Variants in SULF1 observed in about 807,000 individuals in gnomAD.
The protein encoded by SULF1 is extracellular sulfatase Sulf-1.
SULF1 carries 46 observed loss-of-function variants against 110.5 expected under a neutral mutation model. The ratio of observed to expected loss-of-function variants is 0.42; its 90% CI spans 0.33 to 0.53. The LOEUF (loss-of-function observed/expected upper bound fraction) is 0.53, where lower values mean the gene tolerates loss of function less well. Ranked by LOEUF, SULF1 falls within the 20% of genes least tolerant of loss-of-function variation. The pLI is 0.12. For synonymous variants in SULF1, 371 were observed against 387.1 expected, an observed-to-expected ratio of 0.96 and a Z score of 0.49; for missense variants, 941 against 1,094.2, an observed-to-expected ratio of 0.86 and a Z score of 1.98.
At chr8:69,532,870 T>C (rs1282437343) in intron 3 of SULF1, among the ~76,000 whole-genome samples, 2 of 152,222 alleles carry the variant, frequency 1.3e-5, no homozygotes, top group Non-Finnish European at 2.9e-5. Context: ...CCAATTTTAC[T>C]TTCTTTCCTA....
chr8:69,638,423 A>C, intron 19 of SULF1, 79 bp from the exon 20 acceptor site: 9 of 1,489,248 alleles, frequency 6.0e-6, no homozygotes, highest in Non-Finnish European at 6.4e-6. Flanking sequence ...TGTAAAGATA[A>C]GGGAACACTG....
In SULF1 at chr8:69,617,391, A is replaced by G. The variant is rs1269205656; in HGVS notation, c.1378-3644A>G. Among the ~76,000 whole-genome samples the G allele has an allele frequency of 5.3e-4, 3 of 5,608 alleles. 1 individual carries two copies. In the Admixed American group the frequency reaches 6.7e-3, roughly 13 times the overall value. The allele number at this position is 5,608 out of a possible 152,430, so 3.7% of individuals were successfully genotyped here. On this transcript the variant is annotated intron_variant, in intron 13 of 22. Coordinates refer to ENST00000402687, the MANE Select transcript of SULF1 (RefSeq NM_001128205.2). ...TGCTTAGCTATATATATATATATATATATATATATATATATATATATATAT... is the reference window on the plus strand; with the variant it reads ...TGCTTAGCTATATATATATATATATGTATATATATATATATATATATATAT...
intron 22 of SULF1, among the ~76,000 whole-genome samples, chr8:69,656,786 C>T (rs1025021409): frequency 7.2e-5 from 11 of 152,274 alleles, no homozygotes; most frequent in Middle Eastern, 3.4e-3. Context: ...TGAACATACA[C>T]GTGCATATGT....
At position 69,645,134 on chromosome 8, in the gene SULF1, G is replaced by A. The variant is rs903166591; in HGVS notation, c.2585+4293G>A. On this transcript the variant is annotated intron_variant, in intron 22 of 22. Coordinates refer to ENST00000402687, the MANE Select transcript of SULF1 (RefSeq NM_001128205.2). ...CGTGCACAGAGGTGTGTCATGGAGC[G>A]GCCAGTAGGCACCAAAATCCAGCCA... 3.9e-5 allele frequency among the ~76,000 whole-genome samples: 6 copies of A among 152,100 alleles called. No homozygotes were observed. The East Asian group carries it at 5.8e-4, about 15-fold the overall frequency.
intron 8 of SULF1, among the ~76,000 whole-genome samples, chr8:69,593,405 T>C (rs1807050315): frequency 6.6e-6 from 1 of 152,210 alleles, no homozygotes; most frequent in African/African-American, 2.4e-5. Flanking sequence ...CCATAGGTTC[T>C]CCCCAATTGC....
intron 5 of SULF1, among the ~76,000 whole-genome samples, chr8:69,569,788 T>C (rs1270153695): frequency 6.6e-6 from 1 of 152,216 alleles, no homozygotes; most frequent in Non-Finnish European, 1.5e-5. Context: ...CTTAGTGATC[T>C]GGAAACATTC....
intron 3 of SULF1, among the ~76,000 whole-genome samples, chr8:69,508,629 G>C (rs942243841): frequency 6.6e-6 from 1 of 152,160 alleles, no homozygotes; most frequent in Non-Finnish European, 1.5e-5. Context: ...AAATAAGTGA[G>C]TCCTGGTATC....
chr8:69,538,275 C>CTTTTTTTT (rs33972358), intron 3 of SULF1, among the ~76,000 whole-genome samples: 6,938 of 130,624 alleles, frequency 0.053, 619 homozygotes, highest in East Asian at 0.29. Flanking sequence ...TTTCTGTTGC[C>CTTTTTTTT]TTTTTTTTTT....
At chr8:69,480,858 A>C (rs1406167601) in intron 1 of SULF1, among the ~76,000 whole-genome samples, 1 of 139,252 alleles carries the variant, frequency 7.2e-6, no homozygotes, top group African/African-American at 2.6e-5. Context: ...TGGACACAGG[A>C]AGGGGAACAT....
At chr8:69,540,088 G>A (rs1322601235) in intron 3 of SULF1, among the ~76,000 whole-genome samples, 4 of 152,180 alleles carry the variant, frequency 2.6e-5, no homozygotes, top group African/African-American at 9.7e-5. Flanking sequence ...AGACAGAATC[G>A]AGAAGTATTT....
Position 69,638,560 on chromosome 8 carries a change from A to G in SULF1, c.2343A>G (p.Thr781=), listed in dbSNP as rs767463641. Residue 781 remains threonine, a synonymous_variant, in exon 20 of 23, where the codon ACA becomes ACG. Coordinates refer to ENST00000402687, the MANE Select transcript of SULF1 (RefSeq NM_001128205.2). ...ATAACACCTACTGGTGTTTGCGTAC[A>G]GTTAATGAGACGCATAATTTTCTTT... ...SNNNTYWCLR[T]VNETHNFLFC... is the part of the protein sequence containing the mutation. The G allele has an allele frequency of 1.3e-5, 21 of 1,613,948 alleles. No individual in the cohort carries two copies. Among genetic ancestry groups the G allele is most frequent in the Non-Finnish European group, 1.6e-5 (19 of 1,179,972 alleles).
rs971088064 is a variant in SULF1 at position 69,468,132 on chromosome 8, A to C, written c.-391+1182A>C. 8.5e-5 allele frequency among the ~76,000 whole-genome samples: 13 copies of C among 152,238 alleles called. 1 individual carries two copies. Among genetic ancestry groups the C allele is most frequent in the Admixed American group, 8.5e-4 (13 of 15,282 alleles). On this transcript the variant is annotated intron_variant, in intron 1 of 22. Transcript: ENST00000260128. Reference sequence around the variant, plus strand: ...TACTTGCCCTCCGATAGCAACATTCATATACCTGTGGTATGCAGAGCTTCT... The same window carrying C: ...TACTTGCCCTCCGATAGCAACATTCCTATACCTGTGGTATGCAGAGCTTCT...
intron 9 of SULF1, 53 bp downstream of exon 9, chr8:69,600,806 T>C (rs1807741112): frequency 1.3e-6 from 2 of 1,572,742 alleles, no homozygotes; most frequent in African/African-American, 2.7e-5. Context: ...TTCCTTTGTG[T>C]AGACTTATTC....
At position 69,640,829 on chromosome 8, in the gene SULF1, A is replaced by G. The variant is rs779309074; in HGVS notation, c.2573A>G (p.Tyr858Cys). The G allele has an allele frequency of 1.9e-6, 3 of 1,612,066 alleles. No individual in the cohort carries two copies. Among genetic ancestry groups the G allele is most frequent in the South Asian group, 1.1e-5 (1 of 90,658 alleles). The change falls in exon 22 of 23, where the codon TAT (tyrosine) becomes TGT (cysteine). Residue 858 changes from tyrosine to cysteine, a missense_variant. Around this residue, in one of 3 missense-constraint regions of SULF1, gnomAD observed 112 missense variants for 133.5 expected, o/e 0.84. Coordinates refer to ENST00000402687, the MANE Select transcript of SULF1 (RefSeq NM_001128205.2). Reference sequence around the variant, plus strand: ...TCAGGAAATAAAGATGGAGGAAGCTATGACCTACACAGGTATTCACACTTT... The same window carrying G: ...TCAGGAAATAAAGATGGAGGAAGCTGTGACCTACACAGGTATTCACACTTT... Reference protein sequence around the residue: ...LDVGNKDGGSYDLHRGQLWDG... With the variant: ...LDVGNKDGGSCDLHRGQLWDG...
At chr8:69,523,856 C>G (rs888966094) in intron 3 of SULF1, among the ~76,000 whole-genome samples, 1 of 151,892 alleles carries the variant, frequency 6.6e-6, no homozygotes, top group African/African-American at 2.4e-5. Context: ...GGGCAGTTAC[C>G]AGTACTCATA....
intron 1 of SULF1, among the ~76,000 whole-genome samples, chr8:69,482,582 A>G (rs1465203831): frequency 6.6e-6 from 1 of 152,016 alleles, no homozygotes; most frequent in Non-Finnish European, 1.5e-5. Flanking sequence ...CTCTGTTTGT[A>G]TATATAGAGA....
At chr8:69,598,204 C>T (rs926007174) in intron 8 of SULF1, among the ~76,000 whole-genome samples, 1 of 151,784 alleles carries the variant, frequency 6.6e-6, no homozygotes, top group Non-Finnish European at 1.5e-5. Context: ...TTAAGGATGA[C>T]AGGTCATACC....
chr8:69,511,170 C>A (rs924311724), intron 3 of SULF1, among the ~76,000 whole-genome samples: 4 of 152,134 alleles, frequency 2.6e-5, no homozygotes, highest in African/African-American at 9.7e-5. Flanking sequence ...ATTGAGAAAA[C>A]CAAATTAAGC....
intron 22 of SULF1, among the ~76,000 whole-genome samples, chr8:69,643,450 G>A (rs898303421): frequency 6.6e-6 from 1 of 151,396 alleles, no homozygotes; most frequent in African/African-American, 2.4e-5. Context: ...CGTGAAATTT[G>A]ATTACAAAAG....
Sources: gnomAD v4.1 joint callset for allele counts (sites outside exome capture counted in the v4.1 genomes callset) on GRCh38, gnomAD v4.1.1 for gene constraint, gnomAD v4.1.1 regional missense constraint, MANE v1.5 for transcripts, NCBI Gene and HGNC (gene_info 2026-07-23, HGNC 2026-07-21) for gene names.